The following MAST2 variants were observed in gnomAD, a reference collection of about 807,000 sequenced individuals.
MAST2 encodes microtubule associated serine/threonine kinase 2.
MAST2 carries 70 observed loss-of-function variants against 147.4 expected under a neutral mutation model. That is an observed-to-expected ratio of 0.47 (90% CI 0.39 to 0.58). MAST2 has a LOEUF of 0.58. Among genes scored for constraint, MAST2 ranks in the 20% least tolerant of loss-of-function variants. The probability of loss-of-function intolerance (pLI) is 0.00; values close to 1 mark genes in which losing one functional copy is unlikely to be tolerated. For synonymous variants in MAST2, 869 were observed against 896.8 expected (o/e 0.97, Z 0.55); for missense variants, 2,080 against 2,302.3 (o/e 0.90, Z 1.98).
chr1:45,969,676 G>A (rs187554063), intron 5 of MAST2, among the ~76,000 whole-genome samples: 15 of 151,952 alleles, frequency 9.9e-5, no homozygotes, highest in Admixed American at 9.2e-4. Flanking sequence ...AGGAAAACAA[G>A]TTCAGGGCTC....
chr1:45,960,854 A>G (rs1259753714), intron 5 of MAST2, among the ~76,000 whole-genome samples: 1 of 152,240 alleles, frequency 6.6e-6, no homozygotes, highest in Non-Finnish European at 1.5e-5. Flanking sequence ...GCGTTAAAGC[A>G]GGATATCAAA....
In MAST2 at chr1:45,921,380, C is replaced by T. The variant is rs367961988; in HGVS notation, c.501-38006C>T. Among the ~76,000 whole-genome samples the T allele has an allele frequency of 9.0e-3, 1,363 of 152,216 alleles. 10 individuals carry two copies. The highest frequency in any genetic ancestry group is 0.014 in the Non-Finnish European group (972 of 68,014). ...AGCTAGAAACCTCTGTGGCTGGTGACGCTTTTGCCTGAGCTTTGTTTGCTC... is the reference window on the plus strand; with the variant it reads ...AGCTAGAAACCTCTGTGGCTGGTGATGCTTTTGCCTGAGCTTTGTTTGCTC... On this transcript the variant is annotated intron_variant, in intron 4 of 28. Transcript: ENST00000361297.
Position 46,035,319 on chromosome 1 carries a change from A to T in MAST2, c.4650A>T (p.Arg1550Ser), listed in dbSNP as rs1646857085. 6.2e-7 allele frequency: 1 copy of T among 1,613,814 alleles called. No homozygotes were observed. Among genetic ancestry groups the T allele is most frequent in the African/African-American group, 1.3e-5 (1 of 74,896 alleles). Reference sequence around the variant, plus strand: ...GGGAAGAGGATCCTTTCCCGTCCAGAGACCCTAGGAGCCTGGGCCCAATGG... The same window carrying T: ...GGGAAGAGGATCCTTTCCCGTCCAGTGACCCTAGGAGCCTGGGCCCAATGG... ...ESGEEDPFPS[R>S]DPRSLGPMVP... Residue 1550 changes from arginine (R) to serine (S), a missense_variant, in exon 29 of 29, where the codon AGA (arginine) becomes AGT (serine). Arg to Ser is a moderately radical substitution (Grantham distance 110). Transcript: ENST00000361297. The surrounding 1 kb of genome is among the most constrained non-coding windows in gnomAD (Gnocchi z 5.5).
chr1:45,957,143 A>G (rs1227029591), intron 4 of MAST2, among the ~76,000 whole-genome samples: 1 of 152,206 alleles, frequency 6.6e-6, no homozygotes, highest in African/African-American at 2.4e-5. Context: ...CAAATTGTTC[A>G]ACTCATCCAT....
chr1:45,953,805 CAA>C (rs1659274806), intron 4 of MAST2, among the ~76,000 whole-genome samples: 2 of 152,194 alleles, frequency 1.3e-5, no homozygotes, highest in South Asian at 2.1e-4. Context: ...GGGTAGAAGA[CAA>C]GAGTAAACCA....
At chr1:46,012,293 A>T (rs981486954) in intron 10 of MAST2, among the ~76,000 whole-genome samples, 5 of 152,226 alleles carry the variant, frequency 3.3e-5, no homozygotes, top group African/African-American at 1.2e-4. Flanking sequence ...CTAAAGTCAG[A>T]GCCTTGCCCA....
At chr1:45,904,173 A>AT (rs1294313630) in intron 4 of MAST2, among the ~76,000 whole-genome samples, 1 of 136,206 alleles carries the variant, frequency 7.3e-6, no homozygotes, top group African/African-American at 2.7e-5. Flanking sequence ...GCTAATTTTT[A>AT]ATTTTTTTTT....
At chr1:45,839,528 C>T (rs1432338704) in intron 3 of MAST2, among the ~76,000 whole-genome samples, 1 of 152,122 alleles carries the variant, frequency 6.6e-6, no homozygotes, top group South Asian at 2.1e-4. Context: ...CTGCCCTGGC[C>T]TCCCGAAATG....
intron 10 of MAST2, among the ~76,000 whole-genome samples, chr1:46,015,258 TAAAAG>T (rs1229793842): frequency 6.6e-6 from 1 of 151,558 alleles, no homozygotes; most frequent in Admixed American, 6.6e-5. Context: ...ACATCACAAT[TAAAAG>T]AACTAGAAAA....
intron 3 of MAST2, among the ~76,000 whole-genome samples, chr1:45,875,650 TTAAAGA>T (rs1292116187): frequency 6.6e-6 from 1 of 151,888 alleles, no homozygotes; most frequent in Non-Finnish European, 1.5e-5. Context: ...AATTGACAGA[TTAAAGA>T]TAGATATTTT....
At chr1:45,839,129 A>ATTTTTTTTT (rs370950575) in intron 3 of MAST2, among the ~76,000 whole-genome samples, 5,934 of 127,082 alleles carry the variant, frequency 0.047, 507 homozygotes, top group African/African-American at 0.15. Flanking sequence ...ACCATCACAA[A>ATTTTTTTTT]TTTTTTTTTT....
intron 4 of MAST2, among the ~76,000 whole-genome samples, chr1:45,919,253 A>G (rs918324779): frequency 3.9e-5 from 6 of 152,194 alleles, no homozygotes; most frequent in Non-Finnish European, 5.9e-5. Flanking sequence ...GGTAGAATTG[A>G]TAGAGGAGGA....
chr1:45,937,300 A>G (rs1481867267), intron 4 of MAST2, among the ~76,000 whole-genome samples: 1 of 150,326 alleles, frequency 6.7e-6, no homozygotes, highest in South Asian at 2.1e-4. Flanking sequence ...TTGCTTGTTC[A>G]TTACTTTTTT....
chr1:45,855,215 T>A (rs1324992639), intron 3 of MAST2, among the ~76,000 whole-genome samples: 1 of 152,170 alleles, frequency 6.6e-6, no homozygotes, highest in African/African-American at 2.4e-5. Context: ...AAGGCATGTC[T>A]ATCACCCAAT....
rs553280086 is a variant in MAST2 at position 45,817,743 on chromosome 1, C to T, written c.178-6690C>T. On this transcript the variant is annotated intron_variant, in intron 1 of 28. Coordinates refer to ENST00000361297, the MANE Select transcript of MAST2 (RefSeq NM_015112.3). ...TCATATCATGAAAAGATGAATTGATCAAGAATAATAACTACAACAACTTTT... is the reference window on the plus strand; with the variant it reads ...TCATATCATGAAAAGATGAATTGATTAAGAATAATAACTACAACAACTTTT... Among the ~76,000 whole-genome samples, 227 of 152,222 alleles carry T rather than the reference C, an allele frequency of 1.5e-3. 1 individual carries two copies. The highest frequency in any genetic ancestry group is 2.9e-3 in the Non-Finnish European group (196 of 67,998).
At chr1:45,870,722 G>A (rs1557851461) in intron 3 of MAST2, among the ~76,000 whole-genome samples, 1 of 151,104 alleles carries the variant, frequency 6.6e-6, no homozygotes, top group Non-Finnish European at 1.5e-5. Flanking sequence ...AGGAGCTGGA[G>A]ACCAGCTTGG....
Position 45,803,976 on chromosome 1 carries a change from G to A in MAST2, c.81G>A (p.Glu27=). Residue 27 remains glutamate (E), a synonymous_variant, in exon 1 of 29, where the codon GAG becomes GAA. Coordinates refer to ENST00000361297, the MANE Select transcript of MAST2 (RefSeq NM_015112.3). ...RREDGVQRAA[E]LSQSLPPRRR... ...AGGATGGAGTTCAGCGGGCAGCGGAGCTGTCTCAGTCTTTGCCGCCGCGCC... is the reference window on the plus strand; with the variant it reads ...AGGATGGAGTTCAGCGGGCAGCGGAACTGTCTCAGTCTTTGCCGCCGCGCC... 1 of 1,082,110 alleles carries A rather than the reference G, an allele frequency of 9.2e-7. No individual in the cohort carries two copies. The highest frequency in any genetic ancestry group is 1.2e-6 in the Non-Finnish European group (1 of 816,456). 67.0% of individuals were successfully genotyped at this position (1,082,110 alleles called of 1,614,324 possible).
At chr1:45,869,881 A>C (rs1372847959) in intron 3 of MAST2, among the ~76,000 whole-genome samples, 2 of 151,672 alleles carry the variant, frequency 1.3e-5, no homozygotes, top group African/African-American at 2.4e-5. Context: ...CCTTTTTCTA[A>C]AGTCTTGAAG....
At position 46,023,742 on chromosome 1, in the gene MAST2, A is replaced by T. The variant is rs777120846; in HGVS notation, c.1572-30A>T. On this transcript the variant is annotated intron_variant, in intron 14 of 28. Transcript: ENST00000361297. This position sits in a 1 kb window ranked among gnomAD's most constrained non-coding sequence, Gnocchi z 4.9. ...AGCACAGCTCAGGTGCTGAGGGTCC[A>T]TGGGGGATGGGCCGGACTTTGTTTC... 1 of 1,606,966 alleles carries T rather than the reference A, an allele frequency of 6.2e-7. No homozygotes were observed. The highest frequency in any genetic ancestry group is 8.5e-7 in the Non-Finnish European group (1 of 1,175,444).
Sources: allele counts gnomAD v4.1 joint callset (sites outside exome capture counted in the v4.1 genomes callset), GRCh38; gene constraint gnomAD v4.1.1; non-coding constraint Gnocchi (gnomAD v3.1); transcripts MANE v1.5; gene names NCBI Gene and HGNC (gene_info 2026-07-23, HGNC 2026-07-21).